The following TXNDC11 variants were observed in gnomAD, a reference collection of about 807,000 sequenced individuals.
TXNDC11 encodes thioredoxin domain-containing protein 11.
TXNDC11 carries 68 observed loss-of-function variants against 78.0 expected under a neutral mutation model. That is an observed-to-expected ratio of 0.87 (90% CI 0.72 to 1.07). The LOEUF (loss-of-function observed/expected upper bound fraction) is 1.07. Ranked by LOEUF, TXNDC11 falls within the 50% of genes least tolerant of loss-of-function variation. The pLI is 0.00. For missense variants in TXNDC11, 1,389 were observed against 1,221.8 expected (o/e 1.14, Z -2.04); for synonymous variants, 571 against 495.2 (o/e 1.15, Z -2.03).
At chr16:11,687,599 C>A (rs947517633) in intron 10 of TXNDC11, among the ~76,000 whole-genome samples, 58 of 152,180 alleles carry the variant, frequency 3.8e-4, no homozygotes, top group African/African-American at 1.4e-3. Context: ...GTGCTCTCCC[C>A]ACAGAACTGC....
At chr16:11,693,633 C>T (rs1373750947) in intron 7 of TXNDC11, among the ~76,000 whole-genome samples, 6 of 152,218 alleles carry the variant, frequency 3.9e-5, no homozygotes, top group Admixed American at 1.3e-4. Context: ...TTCAATAGTT[C>T]TCGGCATAAA....
chr16:11,730,596 C>A, intron 4 of TXNDC11, 49 bp downstream of exon 4: 1 of 1,589,054 alleles, frequency 6.3e-7, no homozygotes. Context: ...TCCAATACAA[C>A]CCCGTGAAAG....
chr16:11,708,436 G>A (rs1208162957), intron 5 of TXNDC11, among the ~76,000 whole-genome samples: 1 of 152,164 alleles, frequency 6.6e-6, no homozygotes, highest in Non-Finnish European at 1.5e-5. Context: ...GAGGCCTATA[G>A]TAAATAGCAC....
intron 1 of TXNDC11, among the ~76,000 whole-genome samples, chr16:11,736,653 C>A (rs554385087): frequency 6.6e-6 from 1 of 152,134 alleles, no homozygotes; most frequent in Non-Finnish European, 1.5e-5. Flanking sequence ...AAGATTTCCA[C>A]GGGAGATGCT....
rs397855467 is a variant in TXNDC11 at position 11,701,128 on chromosome 16, C to CTT, written c.794-566_794-565dup. Among the ~76,000 whole-genome samples, 104 of 101,666 alleles carry CTT rather than the reference C, an allele frequency of 1.0e-3. 10 individuals carry two copies. The highest frequency in any genetic ancestry group is 1.3e-3 in the Non-Finnish European group (68 of 50,806). 66.7% of individuals were successfully genotyped at this position (101,666 alleles called of 152,430 possible). A position where few individuals can be genotyped will look rare whatever the true frequency, so the allele number is the denominator to read the frequency against. ...TAGATTTCCTTTGGCCCAATGTCCT[C>CTT]TTTTTTTTTTTTTTTTTTTTTTTTT... On this transcript the variant is annotated intron_variant, in intron 5 of 11. Transcript: ENST00000283033.
At chr16:11,700,606 C>A (rs1271238208) in intron 5 of TXNDC11, 42 bp from the exon 6 acceptor site, 2 of 986,450 alleles carry the variant, frequency 2.0e-6, no homozygotes, top group Non-Finnish European at 3.2e-6. Context: ...AAGGCCTGTG[C>A]CTTAAAACAA....
intron 1 of TXNDC11, among the ~76,000 whole-genome samples, chr16:11,736,603 C>A (rs761098187): frequency 3.3e-5 from 5 of 152,184 alleles, no homozygotes; most frequent in Non-Finnish European, 7.3e-5. Context: ...AGCATGCAAG[C>A]TCAGAATTAC....
In TXNDC11 at chr16:11,691,334, T is replaced by C. The variant is rs770882236; in HGVS notation, c.1856A>G (p.His619Arg). The C allele has an allele frequency of 6.8e-6, 11 of 1,612,458 alleles. No homozygotes were observed. The highest frequency in any genetic ancestry group is 9.3e-6 in the Non-Finnish European group (11 of 1,178,614). Residue 619 changes from histidine to arginine, a missense_variant, in exon 8 of 12, where the codon CAT becomes CGT. His to Arg is a conservative substitution (Grantham distance 29, BLOSUM62 0). Coordinates refer to ENST00000283033, the MANE Select transcript of TXNDC11 (RefSeq NM_015914.7). ...AAIVDVKEES[H>R]YILDPKQALM... Reference sequence around the variant, plus strand: ...TGCTTGCTTTGGATCCAAGATGTAATGAGATTCTTCTTTCACGTCAACAAT... The same window carrying C: ...TGCTTGCTTTGGATCCAAGATGTAACGAGATTCTTCTTTCACGTCAACAAT...
At chr16:11,694,382 C>G (rs556598714) in intron 7 of TXNDC11, among the ~76,000 whole-genome samples, 50 of 148,644 alleles carry the variant, frequency 3.4e-4, no homozygotes, top group Middle Eastern at 4.0e-3. Flanking sequence ...TCAGGTGATC[C>G]ACCTGCCTCG....
At chr16:11,719,734 G>C (rs1186103476) in intron 5 of TXNDC11, among the ~76,000 whole-genome samples, 1 of 152,074 alleles carries the variant, frequency 6.6e-6, no homozygotes, top group East Asian at 1.9e-4. Context: ...CCTACCCTCA[G>C]AAATCTTACA....
chr16:11,729,208 G>C (rs550794761), intron 4 of TXNDC11, among the ~76,000 whole-genome samples: 1 of 152,294 alleles, frequency 6.6e-6, no homozygotes, highest in African/African-American at 2.4e-5. Flanking sequence ...TGCCCAGGAA[G>C]TGAGTAACCC....
chr16:11,740,146 TAAA>T (rs57384979), intron 1 of TXNDC11, among the ~76,000 whole-genome samples: 164 of 111,850 alleles, frequency 1.5e-3, no homozygotes, highest in African/African-American at 4.4e-3. Flanking sequence ...TGAGCCAAGA[TAAA>T]AAAAAAAAAA....
rs146479599 is a variant in TXNDC11, at chr16:11,736,231, C to T, written c.257G>A (p.Arg86Gln). Reference protein sequence around the residue: ...LLLALKFTCSRAKDVIIPAKP... With the variant: ...LLLALKFTCSQAKDVIIPAKP... Reference sequence around the variant, plus strand: ...TGCTGGTATTATCACATCTTTTGCTCGACTAAAAAAGAGCAAACACAGAAA... The same window carrying T: ...TGCTGGTATTATCACATCTTTTGCTTGACTAAAAAAGAGCAAACACAGAAA... Residue 86 changes from arginine to glutamine, a missense_variant and splice_region_variant, in exon 2 of 12, where the codon CGA (arginine) becomes CAA (glutamine). By Grantham distance (43) the Arg-to-Gln change is conservative. Transcript: ENST00000283033. 5.6e-6 allele frequency: 9 copies of T among 1,603,486 alleles called. No homozygotes were observed. Among genetic ancestry groups the T allele is most frequent in the African/African-American group, 4.0e-5 (3 of 74,746 alleles).
At chr16:11,726,995 G>T (rs1481753093) in intron 4 of TXNDC11, among the ~76,000 whole-genome samples, 1 of 152,186 alleles carries the variant, frequency 6.6e-6, no homozygotes, top group African/African-American at 2.4e-5. Flanking sequence ...GGAGGTTGCG[G>T]TGAGACGAGA....
rs758177489 is a variant in TXNDC11 at position 11,691,859 on chromosome 16, A to G, written c.1331T>C (p.Leu444Pro). The stretch of plus-strand genomic sequence containing the variant: ...GCCCCCGGAGGTCTGGTTGACACAG[A>G]GTTCACAGACGTTGTGGGTCCTGGA... ...SFSRTHNVCE[L>P]CVNQTSGGMK... Residue 444 changes from leucine (L) to proline (P), a missense_variant, in exon 8 of 12, where the codon CTC becomes CCC. Physicochemically the swap from Leu to Pro is moderately conservative, Grantham distance 98. Transcript: ENST00000283033. 10 of 1,614,120 alleles carry G rather than the reference A, an allele frequency of 6.2e-6. No homozygotes were observed. The highest frequency in any genetic ancestry group is 8.5e-6 in the Non-Finnish European group (10 of 1,180,038).
At chr16:11,720,793 G>C (rs138969087) in intron 5 of TXNDC11, among the ~76,000 whole-genome samples, 42 of 151,776 alleles carry the variant, frequency 2.8e-4, no homozygotes, top group South Asian at 1.5e-3. Context: ...GAGTGCAGTG[G>C]TGCAGTGGCG....
chr16:11,722,681 G>A (rs1486173536), intron 4 of TXNDC11, among the ~76,000 whole-genome samples: 3 of 152,168 alleles, frequency 2.0e-5, no homozygotes, highest in African/African-American at 7.2e-5. Context: ...CTGATGAACC[G>A]TAAAGCACTA....
In TXNDC11 at chr16:11,742,852, A is replaced by G. The variant is rs2052453793; in HGVS notation, c.-122T>C. On this transcript the variant is annotated 5_prime_UTR_variant, in exon 1 of 12. Transcript: ENST00000283033. ...CCCGCTAACCCGGACGCTCCACGTC[A>G]GCCGCGCCGCCGCCGCGGGGTCCGC... The G allele has an allele frequency of 2.3e-6, 3 of 1,301,538 alleles. No homozygotes were observed. Among genetic ancestry groups the G allele is most frequent in the Non-Finnish European group, 2.9e-6 (3 of 1,023,724 alleles). 80.6% of individuals were successfully genotyped at this position (1,301,538 alleles called of 1,614,324 possible).
In TXNDC11 at chr16:11,689,372, T is replaced by C. The variant is rs574418757; in HGVS notation, c.1901-927A>G. Among the ~76,000 whole-genome samples, 39 of 152,356 alleles carry C rather than the reference T, an allele frequency of 2.6e-4. No individual in the cohort carries two copies. The East Asian group carries it at 6.4e-3, about 25-fold the overall frequency. Reference sequence around the variant, plus strand: ...TCATGTGAATACTAAAGAGAATTCATGATCAGCATCTGAGAAACACTTAGT... The same window carrying C: ...TCATGTGAATACTAAAGAGAATTCACGATCAGCATCTGAGAAACACTTAGT... On this transcript the variant is annotated intron_variant, in intron 8 of 11. Transcript: ENST00000283033.
Sources: allele counts gnomAD v4.1 joint callset (sites outside exome capture counted in the v4.1 genomes callset), GRCh38; gene constraint gnomAD v4.1.1; transcripts MANE v1.5; gene names NCBI Gene and HGNC (gene_info 2026-07-23, HGNC 2026-07-21).